PTPRN2: variants seen among roughly 807,000 people sequenced by gnomAD.
PTPRN2 encodes receptor-type tyrosine-protein phosphatase N2.
In PTPRN2, 74 loss-of-function variants were observed where a neutral mutation model predicts 118.8. That is an observed-to-expected ratio of 0.62 (90% confidence interval 0.52 to 0.76). PTPRN2 has a LOEUF of 0.76. Ranked by LOEUF, PTPRN2 falls within the 30% of genes least tolerant of loss-of-function variation. The probability of loss-of-function intolerance (pLI) is 0.00; values close to 1 mark genes in which losing one functional copy is unlikely to be tolerated. For synonymous variants in PTPRN2, 641 were observed against 608.0 expected, an observed-to-expected ratio of 1.05 and a Z score of -0.80; for missense variants, 1,481 against 1,394.4, an observed-to-expected ratio of 1.06 and a Z score of -0.99.
chr7:157,864,600 T>C (rs1297459926), intron 12 of PTPRN2: 2 of 152,402 alleles, frequency 1.3e-5, no homozygotes, highest in African/African-American at 2.4e-5. Context: ...GAAGCTGCCA[T>C]GTGGGGCTGG....
intron 12 of PTPRN2, among the ~76,000 whole-genome samples, chr7:157,767,275 G>A (rs1228081877): frequency 6.6e-6 from 1 of 152,122 alleles, no homozygotes; most frequent in Non-Finnish European, 1.5e-5. Flanking sequence ...TTTATCCTTG[G>A]ACCCTACCAA....
chr7:158,105,194 C>T (rs74805812), intron 10 of PTPRN2, among the ~76,000 whole-genome samples: 1 of 144,652 alleles, frequency 6.9e-6, no homozygotes, highest in Non-Finnish European at 1.5e-5. Context: ...CCTAGCTTCA[C>T]CCTCAGCTCC....
chr7:158,316,838 C>T lies in PTPRN2; in HGVS notation c.258G>A (p.Leu86=). 6.2e-7 allele frequency: 1 copy of T among 1,605,948 alleles called. No individual in the cohort carries two copies. ...CCCTACCTGTGCCGGAAAGCTTCTGCAACGCCACGCGCAGGCGCTGCAGGG... is the reference window on the plus strand; with the variant it reads ...CCCTACCTGTGCCGGAAAGCTTCTGTAACGCCACGCGCAGGCGCTGCAGGG... The part of the protein sequence containing the change: ...PVALQRLRVA[L]QKLSGTGFTW... Residue 86 remains leucine (L), a synonymous_variant, in exon 3 of 23, where the codon TTG becomes TTA. Transcript: ENST00000389418.
chr7:157,776,848 TCTC>T (rs1563097825), intron 12 of PTPRN2, among the ~76,000 whole-genome samples: 6 of 48,356 alleles, frequency 1.2e-4, no homozygotes, highest in African/African-American at 6.4e-4. Flanking sequence ...TCCTCCTCCC[TCTC>T]CTCCTCCTCC....
chr7:158,344,197 A>C (rs545096790), intron 2 of PTPRN2, among the ~76,000 whole-genome samples: 1 of 152,300 alleles, frequency 6.6e-6, no homozygotes, highest in South Asian at 2.1e-4. Flanking sequence ...TACCCAGGAC[A>C]GCACAGACGG....
intron 13 of PTPRN2, among the ~76,000 whole-genome samples, chr7:157,680,021 A>C (rs544465501): frequency 5.8e-4 from 89 of 152,274 alleles, no homozygotes; most frequent in Non-Finnish European, 1.0e-3. Context: ...TAAGAACACA[A>C]GTTCTTTTGT....
chr7:157,599,154 C>T (rs1478940172), intron 16 of PTPRN2, among the ~76,000 whole-genome samples: 5 of 152,058 alleles, frequency 3.3e-5, no homozygotes, highest in African/African-American at 7.2e-5. Flanking sequence ...GGATTACAGG[C>T]GTGTGCCACC....
rs982032266 is a variant in PTPRN2 at position 157,598,864 on chromosome 7, G to A, written c.2419-3549C>T. Among the ~76,000 whole-genome samples the A allele has an allele frequency of 4.6e-5, 7 of 152,178 alleles. No homozygotes were observed. The highest frequency in any genetic ancestry group is 1.2e-4 in the African/African-American group (5 of 41,434). On this transcript the variant is annotated intron_variant, in intron 16 of 22. Coordinates refer to ENST00000389418, the MANE Select transcript of PTPRN2 (RefSeq NM_002847.5). This position sits in a 1 kb window ranked among gnomAD's most constrained non-coding sequence, Gnocchi z 5.2. ...TGGCGAGGTGCGGTCATTTCTGAGC[G>A]CTTTCTCCCCAGACAGGGGCTTCTG...
chr7:158,284,141 T>A (rs4145754), intron 3 of PTPRN2, among the ~76,000 whole-genome samples: 146,068 of 152,362 alleles, frequency 0.96, 70,089 homozygotes, highest in African/African-American at 0.99. Flanking sequence ...CTGTGTGTTT[T>A]TGTGTCCAAT....
chr7:158,440,499 T>C (rs540674702), intron 2 of PTPRN2, among the ~76,000 whole-genome samples: 18 of 151,234 alleles, frequency 1.2e-4, no homozygotes, highest in African/African-American at 4.1e-4. Flanking sequence ...GTGATGGTAG[T>C]GATGGTAATA....
At position 157,763,957 on chromosome 7, in the gene PTPRN2, C is replaced by T. The variant is rs758213766; in HGVS notation, c.1789-81020G>A. Among the ~76,000 whole-genome samples, 3 of 152,164 alleles carry T rather than the reference C, an allele frequency of 2.0e-5. No homozygotes were observed. Among genetic ancestry groups the T allele is most frequent in the Non-Finnish European group, 4.4e-5 (3 of 68,032 alleles). On this transcript the variant is annotated intron_variant, in intron 12 of 22. Coordinates refer to ENST00000389418, the MANE Select transcript of PTPRN2 (RefSeq NM_002847.5). This position sits in a 1 kb window ranked among gnomAD's most constrained non-coding sequence, Gnocchi z 4.9. ...ACCATTTTCCAAACACTCTCATGTT[C>T]GTTTGATCTTCATGATGTCCGTGAA...
intron 9 of PTPRN2, among the ~76,000 whole-genome samples, chr7:158,125,181 G>A (rs889239988): frequency 6.3e-5 from 9 of 143,930 alleles, no homozygotes; most frequent in South Asian, 4.6e-4. Context: ...TCCCTGTCTC[G>A]AGTCCCTCCC....
intron 12 of PTPRN2, among the ~76,000 whole-genome samples, chr7:157,846,265 C>T (rs2151194360): frequency 6.6e-6 from 1 of 152,072 alleles, no homozygotes; most frequent in Non-Finnish European, 1.5e-5. Flanking sequence ...CGTTTGCATC[C>T]TAGGAAATTA....
At chr7:158,031,913 G>A (rs1366110466) in intron 11 of PTPRN2, among the ~76,000 whole-genome samples, 1 of 152,232 alleles carries the variant, frequency 6.6e-6, no homozygotes, top group Non-Finnish European at 1.5e-5. Flanking sequence ...TCTGCAGCCG[G>A]CGCTCCGGGG....
intron 11 of PTPRN2, among the ~76,000 whole-genome samples, chr7:157,960,804 C>G (rs141681818): frequency 1.3e-5 from 2 of 151,842 alleles, no homozygotes; most frequent in Non-Finnish European, 2.9e-5. Flanking sequence ...GTCAGAAGTT[C>G]GAGACCAGCC....
At chr7:158,333,840 CAT>C (rs1369947551) in intron 2 of PTPRN2, among the ~76,000 whole-genome samples, 3 of 136,022 alleles carry the variant, frequency 2.2e-5, no homozygotes, top group Admixed American at 7.6e-5. Context: ...ACACTCTCAC[CAT>C]AGAGCTGACA....
At chr7:157,580,605 CCA>C (rs1800309210) in intron 17 of PTPRN2, among the ~76,000 whole-genome samples, 1 of 143,020 alleles carries the variant, frequency 7.0e-6, no homozygotes, top group African/African-American at 2.6e-5. Context: ...CCTGCACACC[CCA>C]GCCCCTGCAC....
intron 12 of PTPRN2, among the ~76,000 whole-genome samples, chr7:157,890,983 TCCTCCCCA>T (rs910241695): frequency 4.0e-4 from 61 of 151,984 alleles, no homozygotes; most frequent in Admixed American, 2.0e-3. Context: ...CAGGGGCAGC[TCCTCCCCA>T]CCTCCCCACC....
At chr7:157,970,538 G>T (rs547784625) in intron 11 of PTPRN2, among the ~76,000 whole-genome samples, 1 of 152,168 alleles carries the variant, frequency 6.6e-6, no homozygotes, top group East Asian at 1.9e-4. Flanking sequence ...CCATTGGTGC[G>T]GGTGGGTGGC....
Sources: allele counts gnomAD v4.1 joint callset (sites outside exome capture counted in the v4.1 genomes callset), GRCh38; gene constraint gnomAD v4.1.1; non-coding constraint Gnocchi (gnomAD v3.1); transcripts MANE v1.5; gene names NCBI Gene and HGNC (gene_info 2026-07-23, HGNC 2026-07-21).